Variants in KLHL13 observed in about 807,000 individuals in gnomAD.
The protein encoded by KLHL13 is kelch-like protein 13.
Under a neutral mutation model 37.1 loss-of-function variants are expected in KLHL13, and 10 were observed. The ratio of observed to expected loss-of-function variants is 0.27; its 90% CI spans 0.17 to 0.46. The LOEUF (loss-of-function observed/expected upper bound fraction) is 0.46. Ranked by LOEUF, KLHL13 falls within the 20% of genes least tolerant of loss-of-function variation. KLHL13 has a pLI of 1.00. For missense variants in KLHL13, 360 were observed against 509.3 expected, an observed-to-expected ratio of 0.71 and a Z score of 2.82; for synonymous variants, 163 against 181.2, an observed-to-expected ratio of 0.90 and a Z score of 0.81.
At chrX:118,056,145 T>C (rs1300707049) in intron 1 of KLHL13, among the ~76,000 whole-genome samples, 5 of 111,930 alleles carry the variant, frequency 4.5e-5, no homozygotes, top group Non-Finnish European at 7.5e-5. Flanking sequence ...AAGATCAATA[T>C]ACAAAAATAG....
intron 2 of KLHL13, among the ~76,000 whole-genome samples, chrX:117,934,055 T>A (rs748563592): frequency 2.2e-4 from 24 of 111,126 alleles, no homozygotes; most frequent in Non-Finnish European, 4.3e-4. Context: ...AATATCTATA[T>A]GTTCTCACTT....
intron 1 of KLHL13, among the ~76,000 whole-genome samples, chrX:118,010,835 G>A (rs1475948837): frequency 9.0e-6 from 1 of 111,116 alleles, no homozygotes; most frequent in Non-Finnish European, 1.9e-5. Flanking sequence ...TACTTTGGGA[G>A]GCTGAGGTGG....
chrX:117,917,904 T>G (rs896363631), intron 4 of KLHL13, among the ~76,000 whole-genome samples: 21 of 111,934 alleles, frequency 1.9e-4, no homozygotes, highest in African/African-American at 4.9e-4. Context: ...GTGTTACTAC[T>G]AAATTAAATT....
intron 1 of KLHL13, among the ~76,000 whole-genome samples, chrX:117,955,615 C>T (rs2053193156): frequency 9.0e-6 from 1 of 111,702 alleles, no homozygotes; most frequent in Admixed American, 9.5e-5. Flanking sequence ...AAAAAGAAGA[C>T]AGGCTCTCAA....
intron 1 of KLHL13, among the ~76,000 whole-genome samples, chrX:118,083,090 T>C (rs1321872531): frequency 2.7e-5 from 3 of 111,977 alleles, no homozygotes; most frequent in Non-Finnish European, 1.9e-5. Context: ...TGTAAGATTG[T>C]TTTTCTCTTG....
At chrX:118,099,541 G>C (rs1365333023) in intron 1 of KLHL13, among the ~76,000 whole-genome samples, 5 of 111,434 alleles carry the variant, frequency 4.5e-5, no homozygotes, top group Admixed American at 1.9e-4. Context: ...TGGGCACAGT[G>C]GCTCACACCT....
intron 1 of KLHL13, among the ~76,000 whole-genome samples, chrX:118,105,849 A>G (rs2055339855): frequency 9.3e-6 from 1 of 107,028 alleles, no homozygotes; most frequent in South Asian, 4.0e-4. Context: ...AACCCCATCA[A>G]TTGAAAGGCT....
intron 1 of KLHL13, among the ~76,000 whole-genome samples, chrX:118,071,908 G>A (rs1305352362): frequency 1.9e-5 from 2 of 107,882 alleles, no homozygotes; most frequent in African/African-American, 6.8e-5. Context: ...TACTGCCCAA[G>A]GTAATTTACA....
At chrX:117,962,250 T>C (rs1045642702) in intron 1 of KLHL13, among the ~76,000 whole-genome samples, 4 of 108,242 alleles carry the variant, frequency 3.7e-5, no homozygotes, top group African/African-American at 1.0e-4. Flanking sequence ...TGTGACATTT[T>C]AGGCCATTCG....
intron 1 of KLHL13, among the ~76,000 whole-genome samples, chrX:117,994,713 T>G (rs752249677): frequency 7.1e-5 from 8 of 111,936 alleles, no homozygotes; most frequent in South Asian, 3.7e-4. Context: ...GTTGGAAGTT[T>G]TTCCTAAGGC....
chrX:117,950,197 T>C (rs1791262445), intron 1 of KLHL13, among the ~76,000 whole-genome samples: 1 of 112,785 alleles, frequency 8.9e-6, no homozygotes, highest in African/African-American at 3.2e-5. Flanking sequence ...CTGGGCGTGG[T>C]GGCTCACGCC....
At chrX:118,045,024 A>C (rs770658007) in intron 1 of KLHL13, among the ~76,000 whole-genome samples, 9 of 112,003 alleles carry the variant, frequency 8.0e-5, no homozygotes, top group Non-Finnish European at 1.5e-4. Flanking sequence ...TAATAACCAA[A>C]ATATGTAAGG....
chrX:118,094,996 A>C (rs1271694392), intron 1 of KLHL13, among the ~76,000 whole-genome samples: 14 of 111,530 alleles, frequency 1.3e-4, no homozygotes, highest in African/African-American at 2.9e-4. Flanking sequence ...CGAGCAAAAT[A>C]ACCAGCTAAC....
At chrX:118,115,369 A>T (rs766732918) in intron 1 of KLHL13, among the ~76,000 whole-genome samples, 4 of 112,701 alleles carry the variant, frequency 3.5e-5, no homozygotes, top group African/African-American at 6.4e-5. Flanking sequence ...CCACAACTAC[A>T]TGGGGAGAAA....
intron 1 of KLHL13, among the ~76,000 whole-genome samples, chrX:118,068,921 C>T (rs2054823336): frequency 9.0e-6 from 1 of 111,044 alleles, no homozygotes; most frequent in African/African-American, 3.3e-5. Context: ...CCCCCATCCC[C>T]TCAGGCAGAG....
At chrX:117,906,381 G>A (rs1930540453) in intron 5 of KLHL13, among the ~76,000 whole-genome samples, 1 of 111,438 alleles carries the variant, frequency 9.0e-6, no homozygotes, top group Non-Finnish European at 1.9e-5. Context: ...TAGAATTCAG[G>A]AAATTTCATT....
At chrX:117,908,105 A>G (rs1930678698) in intron 5 of KLHL13, among the ~76,000 whole-genome samples, 1 of 106,667 alleles carries the variant, frequency 9.4e-6, no homozygotes, top group Non-Finnish European at 1.9e-5. Context: ...TTATTTATTT[A>G]TTTATTTATT....
intron 3 of KLHL13, 59 bp from the exon 5 acceptor site, chrX:117,919,776 T>C (rs1376473336): frequency 2.3e-6 from 2 of 863,661 alleles, no homozygotes; most frequent in East Asian, 3.1e-5. Flanking sequence ...AACTCACTTC[T>C]GCTGCTAATT....
intron 2 of KLHL13, among the ~76,000 whole-genome samples, chrX:117,933,880 G>T (rs756900589): frequency 1.7e-4 from 19 of 110,230 alleles, no homozygotes; most frequent in Admixed American, 1.2e-3. Context: ...CTCTGCTTGG[G>T]TCAAGAAAAG....
Sources: allele counts gnomAD v4.1 joint callset (sites outside exome capture counted in the v4.1 genomes callset), GRCh38; gene constraint gnomAD v4.1.1; transcripts MANE v1.5; gene names NCBI Gene and HGNC (gene_info 2026-07-23, HGNC 2026-07-21).